Variants in ROBO1 observed in about 807,000 individuals in gnomAD.
ROBO1 encodes roundabout homolog 1.
In ROBO1, 149 loss-of-function variants were observed where a neutral mutation model predicts 195.9. The ratio of observed to expected loss-of-function variants is 0.76; its 90% CI spans 0.67 to 0.87. ROBO1 has a LOEUF of 0.87. Among genes scored for constraint, ROBO1 ranks in the 40% least tolerant of loss-of-function variants. ROBO1 has a pLI of 0.00. For synonymous variants in ROBO1, 816 were observed against 733.2 expected, an observed-to-expected ratio of 1.11 and a Z score of -1.82; for missense variants, 1,933 against 2,068.3, an observed-to-expected ratio of 0.93 and a Z score of 1.27.
intron 2 of ROBO1, among the ~76,000 whole-genome samples, chr3:79,140,372 A>G (rs967568311): frequency 2.0e-5 from 3 of 152,126 alleles, no homozygotes; most frequent in African/African-American, 7.2e-5. Context: ...AATATAGTGT[A>G]ATGTTTAGGA....
chr3:79,147,917 A>G (rs1201015215), intron 2 of ROBO1, among the ~76,000 whole-genome samples: 1 of 151,970 alleles, frequency 6.6e-6, no homozygotes, highest in Non-Finnish European at 1.5e-5. Flanking sequence ...TTGTAACTTT[A>G]GGTATCTTTC....
At chr3:79,521,917 C>T (rs537922481) in intron 2 of ROBO1, among the ~76,000 whole-genome samples, 1 of 152,228 alleles carries the variant, frequency 6.6e-6, no homozygotes, top group South Asian at 2.1e-4. Flanking sequence ...CCCTCTTCTT[C>T]TATCCAACAT....
intron 26 of ROBO1, among the ~76,000 whole-genome samples, chr3:78,624,651 A>T (rs1704651111): frequency 6.6e-6 from 1 of 152,092 alleles, no homozygotes. Context: ...GCTCTGTGGA[A>T]CTCAATGACA....
chr3:78,949,210 C>A, intron 3 of ROBO1, among the ~76,000 whole-genome samples: 1 of 130,446 alleles, frequency 7.7e-6, no homozygotes, highest in Non-Finnish European at 1.6e-5. Flanking sequence ...CAAGTCAATC[C>A]TAAGCCAAAA....
intron 4 of ROBO1, among the ~76,000 whole-genome samples, chr3:78,864,993 ATC>A (rs2035080539): frequency 6.6e-6 from 1 of 152,166 alleles, no homozygotes; most frequent in South Asian, 2.1e-4. Flanking sequence ...TGGTGGCAAT[ATC>A]TTTACTAAAA....
intron 4 of ROBO1, among the ~76,000 whole-genome samples, chr3:78,885,189 A>G (rs1418876751): frequency 6.6e-6 from 1 of 152,072 alleles, no homozygotes. Context: ...GTTCTCACTT[A>G]TAGGTGGAAA....
intron 1 of ROBO1, among the ~76,000 whole-genome samples, chr3:79,682,874 A>C (rs577922646): frequency 3.9e-4 from 60 of 152,182 alleles, no homozygotes; most frequent in Non-Finnish European, 7.8e-4. Flanking sequence ...AAGTCATCTA[A>C]GTTCAGAGTG....
intron 4 of ROBO1, among the ~76,000 whole-genome samples, chr3:78,907,652 T>C (rs2038005264): frequency 6.6e-6 from 1 of 152,080 alleles, no homozygotes. Context: ...GTCATAACAG[T>C]CTGATATAAT....
chr3:78,753,920 T>C (rs1388375185), intron 4 of ROBO1, among the ~76,000 whole-genome samples: 1 of 152,208 alleles, frequency 6.6e-6, no homozygotes, highest in East Asian at 1.9e-4. Flanking sequence ...CTATAAATGA[T>C]AGATTTATTT....
At chr3:79,356,155 A>G (rs2035546649) in intron 2 of ROBO1, among the ~76,000 whole-genome samples, 1 of 152,256 alleles carries the variant, frequency 6.6e-6, no homozygotes, top group Admixed American at 6.5e-5. Flanking sequence ...AGCCTGGCCA[A>G]CATGGCAAAA....
At chr3:79,117,320 A>G (rs1323027530) in intron 3 of ROBO1, among the ~76,000 whole-genome samples, 1 of 152,168 alleles carries the variant, frequency 6.6e-6, no homozygotes, top group Non-Finnish European at 1.5e-5. Flanking sequence ...CAGTGAGTCA[A>G]GATCGCACCA....
At chr3:79,626,194 C>G (rs1429338192) in intron 1 of ROBO1, among the ~76,000 whole-genome samples, 1 of 152,186 alleles carries the variant, frequency 6.6e-6, no homozygotes. Flanking sequence ...CACCTGTAAT[C>G]CTAGCACTTT....
At chr3:79,650,611 A>C (rs12330219) in intron 1 of ROBO1, among the ~76,000 whole-genome samples, 137,116 of 151,194 alleles carry the variant, frequency 0.91, 62,331 homozygotes, top group African/African-American at 0.97. Flanking sequence ...TAGAAAAAAA[A>C]CCCTTAATTA....
intron 3 of ROBO1, among the ~76,000 whole-genome samples, chr3:78,956,831 T>C (rs1275560434): frequency 1.3e-5 from 2 of 152,178 alleles, no homozygotes; most frequent in East Asian, 1.9e-4. Context: ...GGCCCATTCA[T>C]GGCTGGAAGC....
chr3:79,099,324 C>G (rs2079631350), intron 3 of ROBO1, among the ~76,000 whole-genome samples: 1 of 151,680 alleles, frequency 6.6e-6, no homozygotes, highest in Non-Finnish European at 1.5e-5. Context: ...CCCAGAGGTG[C>G]AAACAGTCTA....
intron 2 of ROBO1, among the ~76,000 whole-genome samples, chr3:79,557,767 T>TATA (rs1559991102): frequency 6.8e-6 from 1 of 147,556 alleles, no homozygotes; most frequent in African/African-American, 2.5e-5. Context: ...TATATATATT[T>TATA]TATTGCAATT....
At chr3:78,620,883 A>ATATATGTGTGTGTGTGTGTG (rs368794312) in intron 26 of ROBO1, among the ~76,000 whole-genome samples, 34 of 144,666 alleles carry the variant, frequency 2.4e-4, no homozygotes, top group Admixed American at 6.3e-4. Flanking sequence ...ATATATATAT[A>ATATATGTGTGTGTGTGTGTG]TGTGTGTGTG....
chr3:79,710,383 C>T (rs560771798), intron 1 of ROBO1, among the ~76,000 whole-genome samples: 1,129 of 93,472 alleles, frequency 0.012, 9 homozygotes, highest in Non-Finnish European at 0.016. Context: ...CTGTCACACA[C>T]GAATATTATT....
At chr3:79,459,852 G>C (rs777948645) in intron 2 of ROBO1, among the ~76,000 whole-genome samples, 1 of 152,022 alleles carries the variant, frequency 6.6e-6, no homozygotes, top group African/African-American at 2.4e-5. Context: ...TGGCAGCCAG[G>C]CAAAGCAAAT....
Sources: gnomAD v4.1 joint callset for allele counts (sites outside exome capture counted in the v4.1 genomes callset) on GRCh38, gnomAD v4.1.1 for gene constraint, MANE v1.5 for transcripts, NCBI Gene and HGNC (gene_info 2026-07-23, HGNC 2026-07-21) for gene names.